The following SH3BGRL2 variants were observed in gnomAD, a reference collection of about 807,000 sequenced individuals.
The protein encoded by SH3BGRL2 is SH3 domain binding glutamate rich protein like 2.
In SH3BGRL2, 21 loss-of-function variants were observed where a neutral mutation model predicts 14.8. That is an observed-to-expected ratio of 1.42 (90% CI 1.01 to 2.05). SH3BGRL2 has a LOEUF of 2.05. Ranked by LOEUF, SH3BGRL2 falls within the 30% of genes most tolerant of loss-of-function variation. SH3BGRL2 has a pLI of 0.00. For synonymous variants in SH3BGRL2, 50 were observed against 47.8 expected, an observed-to-expected ratio of 1.05 and a Z score of -0.19; for missense variants, 147 against 130.8, an observed-to-expected ratio of 1.12 and a Z score of -0.61.
chr6:79,541,922 A>G, the SH3BGRL2 span, among the ~76,000 whole-genome samples: 1 of 152,238 alleles, frequency 6.6e-6, no homozygotes, highest in Non-Finnish European at 1.5e-5. Context: ...GTCTGTAAAT[A>G]CAGATGAGAT....
chr6:79,633,002 T>A (rs1394709911), intron 1 of SH3BGRL2, among the ~76,000 whole-genome samples: 5 of 152,228 alleles, frequency 3.3e-5, no homozygotes, highest in Non-Finnish European at 7.3e-5. Context: ...CTAGGCTACT[T>A]TGGAGCAAGT....
chr6:79,660,065 T>C (rs1030497063), intron 1 of SH3BGRL2, among the ~76,000 whole-genome samples: 2 of 152,336 alleles, frequency 1.3e-5, no homozygotes, highest in Middle Eastern at 3.4e-3. Flanking sequence ...TTTCTAAATA[T>C]ACAATCATGC....
At chr6:79,597,315 AAG>A in the SH3BGRL2 span, among the ~76,000 whole-genome samples, 2 of 140,814 alleles carry the variant, frequency 1.4e-5, no homozygotes, top group Admixed American at 7.0e-5. Context: ...AAAAGAAAGA[AAG>A]AGAAAAGAAA....
At position 79,631,557 on chromosome 6, in the gene SH3BGRL2, T is replaced by C. The variant is rs748068307; in HGVS notation, c.45+51T>C. 5 of 1,323,640 alleles carry C rather than the reference T, an allele frequency of 3.8e-6. No homozygotes were observed. The Admixed American group carries it at 1.6e-4, about 43-fold the overall frequency. 82.0% of individuals were successfully genotyped at this position (1,323,640 alleles called of 1,614,324 possible). A position where few individuals can be genotyped will look rare whatever the true frequency, so the allele number is the denominator to read the frequency against. ...GGTTGGGGTCGCGGGGCGCGGGTCC[T>C]GCGGGAGGCGCGCGGCGCTCGTCAC... On this transcript the variant is annotated intron_variant, in intron 1 of 3. Coordinates refer to ENST00000369838, the MANE Select transcript of SH3BGRL2 (RefSeq NM_031469.4).
intron 1 of SH3BGRL2, among the ~76,000 whole-genome samples, chr6:79,655,008 A>G (rs1305481339): frequency 6.6e-6 from 1 of 152,198 alleles, no homozygotes; most frequent in African/African-American, 2.4e-5. Context: ...GGGGGAATTA[A>G]TGACACAGTG....
chr6:79,683,346 G>A (rs941967140), intron 2 of SH3BGRL2, among the ~76,000 whole-genome samples: 14 of 152,084 alleles, frequency 9.2e-5, no homozygotes, highest in Admixed American at 3.3e-4. Context: ...CAAGCCACCT[G>A]GTAAATATTT....
intron 1 of SH3BGRL2, among the ~76,000 whole-genome samples, chr6:79,647,272 G>A (rs1302804317): frequency 1.3e-5 from 2 of 151,352 alleles, no homozygotes; most frequent in Admixed American, 6.6e-5. Flanking sequence ...GTTTTGATTT[G>A]CATTTTCCTA....
intron 1 of SH3BGRL2, among the ~76,000 whole-genome samples, chr6:79,669,022 A>G (rs1017213551): frequency 6.6e-6 from 1 of 152,116 alleles, no homozygotes; most frequent in African/African-American, 2.4e-5. Flanking sequence ...TTTGTTCCTA[A>G]ATTAAATTAC....
At chr6:79,637,562 A>G (rs1768949702) in intron 1 of SH3BGRL2, among the ~76,000 whole-genome samples, 1 of 151,988 alleles carries the variant, frequency 6.6e-6, no homozygotes, top group South Asian at 2.1e-4. Flanking sequence ...GTATGGTGGC[A>G]GGCACCTGTA....
the SH3BGRL2 span, among the ~76,000 whole-genome samples, chr6:79,560,087 A>G: frequency 3.3e-5 from 5 of 152,290 alleles, no homozygotes; most frequent in African/African-American, 1.2e-4. Flanking sequence ...GTGGTTCAGG[A>G]AGGGAATCAA....
the SH3BGRL2 span, among the ~76,000 whole-genome samples, chr6:79,610,567 G>A: frequency 0.013 from 1,997 of 152,228 alleles, 49 homozygotes; most frequent in African/African-American, 0.046. Context: ...ATTCTTATTA[G>A]CTGCATTAAA....
chr6:79,680,003 G>A (rs186068791), intron 2 of SH3BGRL2, among the ~76,000 whole-genome samples: 58 of 152,146 alleles, frequency 3.8e-4, no homozygotes, highest in Non-Finnish European at 4.3e-4. Context: ...CTATCTGATT[G>A]GCAAATATTT....
chr6:79,637,521 C>T (rs547119874), intron 1 of SH3BGRL2, among the ~76,000 whole-genome samples: 3 of 152,014 alleles, frequency 2.0e-5, no homozygotes, highest in Non-Finnish European at 4.4e-5. Context: ...AGTGAAACCC[C>T]ATCTCTACTA....
At chr6:79,654,554 G>A (rs940169106) in intron 1 of SH3BGRL2, among the ~76,000 whole-genome samples, 6 of 152,120 alleles carry the variant, frequency 3.9e-5, no homozygotes, top group South Asian at 2.1e-4. Context: ...TCTCGATCAC[G>A]ATTTTGTTGG....
the SH3BGRL2 span, among the ~76,000 whole-genome samples, chr6:79,617,098 T>C: frequency 1.3e-5 from 2 of 151,812 alleles, no homozygotes; most frequent in African/African-American, 4.8e-5. Context: ...GGGAGGAGAA[T>C]TGCTTGAACC....
At chr6:79,645,082 C>G (rs551275126) in intron 1 of SH3BGRL2, among the ~76,000 whole-genome samples, 2 of 151,068 alleles carry the variant, frequency 1.3e-5, no homozygotes, top group African/African-American at 2.4e-5. Context: ...ATTGCTTGAA[C>G]CCAGGAGATG....
At chr6:79,588,756 G>T in the SH3BGRL2 span, among the ~76,000 whole-genome samples, 3 of 150,722 alleles carry the variant, frequency 2.0e-5, no homozygotes, top group African/African-American at 4.9e-5. Context: ...CATAAATAAA[G>T]AAAAGATTAT....
chr6:79,566,474 C>T, the SH3BGRL2 span, among the ~76,000 whole-genome samples: 1 of 152,138 alleles, frequency 6.6e-6, no homozygotes, highest in East Asian at 1.9e-4. Context: ...ATTCTATTGT[C>T]CCAAACGTAA....
At chr6:79,659,579 C>T (rs1769498314) in intron 1 of SH3BGRL2, among the ~76,000 whole-genome samples, 1 of 152,174 alleles carries the variant, frequency 6.6e-6, no homozygotes, top group African/African-American at 2.4e-5. Context: ...CGTGATGCCT[C>T]CAGTTTTGTT....
Sources: allele counts gnomAD v4.1 joint callset (sites outside exome capture counted in the v4.1 genomes callset), GRCh38; gene constraint gnomAD v4.1.1; transcripts MANE v1.5; gene names NCBI Gene and HGNC (gene_info 2026-07-23, HGNC 2026-07-21).